Variants in SLC47A2 observed in about 807,000 individuals in gnomAD.
SLC47A2 encodes the protein solute carrier family 47 member 2.
Under a neutral mutation model 67.7 loss-of-function variants are expected in SLC47A2, and 52 were observed. The observed-to-expected ratio is 0.77, with a 90% CI of 0.61 to 0.97. SLC47A2 has a LOEUF of 0.97. SLC47A2 is among the 50% of genes least tolerant of loss of function. The pLI is 0.00. For synonymous variants in SLC47A2, 278 were observed against 292.9 expected, an observed-to-expected ratio of 0.95 and a Z score of 0.52; for missense variants, 676 against 712.3, an observed-to-expected ratio of 0.95 and a Z score of 0.58.
At chr17:19,701,202 C>G (rs1466066036) in intron 13 of SLC47A2, among the ~76,000 whole-genome samples, 1 of 148,566 alleles carries the variant, frequency 6.7e-6, no homozygotes, top group Non-Finnish European at 1.5e-5. Flanking sequence ...TATCCTATGA[C>G]AAAAGCAATA....
intron 13 of SLC47A2, among the ~76,000 whole-genome samples, chr17:19,684,337 A>G (rs2085374890): frequency 6.6e-6 from 1 of 152,238 alleles, no homozygotes; most frequent in Non-Finnish European, 1.5e-5. Context: ...ACCATAAGTC[A>G]AAGAATAAAT....
At chr17:19,716,640 C>A (rs375375963), upstream of SLC47A2, 10 of 1,466,702 alleles carry the variant, frequency 6.8e-6, no homozygotes, top group African/African-American at 7.1e-5. Context: ...GCCTGGGCAG[C>A]CCGTGTCGGT....
chr17:19,702,663 G>T lies in SLC47A2; in HGVS notation c.1106C>A (p.Ala369Asp). Residue 369 changes from alanine to aspartate, a missense_variant, in exon 13 of 17, where the codon GCC (alanine) becomes GAC (aspartate). By Grantham distance (126) the Ala-to-Asp change is moderately radical (BLOSUM62 -2). Transcript: ENST00000433844. ...HIFTNDEDVIALVSQVLPVYS... is the reference protein window; with the variant it reads ...HIFTNDEDVIDLVSQVLPVYS... ...AACCGGCAAGACCTGGCTCACCAGG[G>T]CAATGACATCTCTGCAGAAGAAATG... 1 of 1,613,910 alleles carries T rather than the reference G, an allele frequency of 6.2e-7. No homozygotes were observed. The highest frequency in any genetic ancestry group is 8.5e-7 in the Non-Finnish European group (1 of 1,179,944).
intron 8 of SLC47A2, 72 bp from the exon 9 acceptor site, chr17:19,706,833 GA>G: frequency 1.6e-6 from 2 of 1,237,552 alleles, no homozygotes; most frequent in Non-Finnish European, 2.3e-6. Flanking sequence ...CCACTGCCAG[GA>G]GGCCCCTAAA....
chr17:19,715,692 G>GTTTTTTTTTTTTTTT (rs1262965934), intron 1 of SLC47A2: 1 of 86,652 alleles, frequency 1.2e-5, no homozygotes, highest in African/African-American at 3.8e-5. Flanking sequence ...CTCCTTTTTG[G>GTTTTTTTTTTTTTTT]TTTTGTTTTT....
chr17:19,684,068 T>G (rs2085368982), intron 13 of SLC47A2, among the ~76,000 whole-genome samples: 1 of 152,102 alleles, frequency 6.6e-6, no homozygotes, highest in Non-Finnish European at 1.5e-5. Flanking sequence ...CAAATCTCAA[T>G]AAACTAAACT....
chr17:19,705,678 C>T (rs2085915848), intron 9 of SLC47A2, among the ~76,000 whole-genome samples, 175 bp from the exon 10 acceptor site: 1 of 151,992 alleles, frequency 6.6e-6, no homozygotes, highest in African/African-American at 2.4e-5. Flanking sequence ...TAGCTCACTG[C>T]AGCCTCCACC....
chr17:19,712,448 A>G (rs1014316239), intron 5 of SLC47A2, among the ~76,000 whole-genome samples: 1 of 152,234 alleles, frequency 6.6e-6, no homozygotes, highest in Non-Finnish European at 1.5e-5. Flanking sequence ...GTAGAATTAT[A>G]GGTGATTTGA....
intron 13 of SLC47A2, among the ~76,000 whole-genome samples, chr17:19,684,172 T>C (rs1389777918): frequency 6.6e-6 from 1 of 152,182 alleles, no homozygotes; most frequent in African/African-American, 2.4e-5. Flanking sequence ...CTCAGTCTCC[T>C]GAGTACCTGG....
At chr17:19,692,388 AT>A (rs2085562989) in intron 13 of SLC47A2, 1 of 380,786 alleles carries the variant, frequency 2.6e-6, no homozygotes, top group Admixed American at 4.0e-5. Context: ...AAAGAAGAAA[AT>A]TAAAGGAAAT....
upstream of SLC47A2, chr17:19,716,830 T>C (rs1270703325): frequency 4.6e-6 from 2 of 430,892 alleles, no homozygotes; most frequent in Admixed American, 4.1e-5. Flanking sequence ...CCCAGAGGGA[T>C]TGGCAGTAAG....
rs1284635229 is a variant in SLC47A2, at chr17:19,708,763, G to A, written c.487-3C>T. 1.2e-6 allele frequency: 2 copies of A among 1,613,852 alleles called. No homozygotes were observed. Among genetic ancestry groups the A allele is most frequent in the Non-Finnish European group, 1.7e-6 (2 of 1,180,034 alleles). ...AGCAGATTGTAAAGAAAAATCACCT[G>A]TATGAAAAGCAAACCCAAACAAATC... is the stretch of plus-strand genomic sequence containing the variant. On this transcript the variant is annotated splice_region_variant and splice_polypyrimidine_tract_variant and intron_variant, in intron 5 of 16. Coordinates refer to ENST00000433844, the MANE Select transcript of SLC47A2 (RefSeq NM_001099646.3).
At chr17:19,687,345 TAATA>T (rs1194444878) in intron 13 of SLC47A2, among the ~76,000 whole-genome samples, 1 of 152,026 alleles carries the variant, frequency 6.6e-6, no homozygotes, top group East Asian at 1.9e-4. Context: ...GAAAAACATC[TAATA>T]AATAACCTAA....
At chr17:19,684,261 G>C (rs879331325) in intron 13 of SLC47A2, among the ~76,000 whole-genome samples, 1 of 152,044 alleles carries the variant, frequency 6.6e-6, no homozygotes, top group Non-Finnish European at 1.5e-5. Flanking sequence ...GGCCACAACA[G>C]AATTAAATTA....
chr17:19,716,858 T>G, upstream of SLC47A2: 1 of 336,132 alleles, frequency 3.0e-6, no homozygotes, highest in Non-Finnish European at 5.4e-6. Flanking sequence ...CAGGAGAAGG[T>G]CCAGGGCTGC....
At chr17:19,713,111 C>T (rs953044496) in intron 4 of SLC47A2, among the ~76,000 whole-genome samples, 5 of 152,196 alleles carry the variant, frequency 3.3e-5, no homozygotes, top group Non-Finnish European at 5.9e-5. Context: ...AACTATAGGC[C>T]GGGTGCGATG....
rs900011966 is a variant in SLC47A2 at position 19,716,479 on chromosome 17, C to T, written c.77G>A (p.Gly26Asp). 1.2e-6 allele frequency: 2 copies of T among 1,612,710 alleles called. No homozygotes were observed. The highest frequency in any genetic ancestry group is 1.7e-6 in the Non-Finnish European group (2 of 1,179,486). Residue 26 changes from glycine to aspartate, a missense_variant, in exon 1 of 17, where the codon GGC becomes GAC. Transcript: ENST00000433844. ...CPALSRLVPR[G>D]FGTEMWTLFA... The stretch of plus-strand genomic sequence containing the variant: ...GAGAGTCCACATCTCAGTCCCAAAG[C>T]CTCTGGGAACCAGCCTGCTGAGGGC...
intron 13 of SLC47A2, among the ~76,000 whole-genome samples, chr17:19,698,235 G>A (rs963976903): frequency 6.6e-6 from 1 of 152,194 alleles, no homozygotes; most frequent in Non-Finnish European, 1.5e-5. Context: ...GCATGGTAAA[G>A]TTGTCCACAA....
intron 13 of SLC47A2, among the ~76,000 whole-genome samples, chr17:19,694,772 C>T (rs12453452): frequency 0.23 from 35,082 of 151,772 alleles, 4,300 homozygotes; most frequent in East Asian, 0.39. Context: ...AAAAATTAGC[C>T]GGACGAGGTG....
Sources: gnomAD v4.1 joint callset for allele counts (sites outside exome capture counted in the v4.1 genomes callset) on GRCh38, gnomAD v4.1.1 for gene constraint, MANE v1.5 for transcripts, NCBI Gene and HGNC (gene_info 2026-07-23, HGNC 2026-07-21) for gene names.